PSD3: variants seen among roughly 807,000 people sequenced by gnomAD.
PSD3 encodes the protein pleckstrin and Sec7 domain containing 3.
Under a neutral mutation model 105.5 loss-of-function variants are expected in PSD3, and 49 were observed. That is an observed-to-expected ratio of 0.46 (90% CI 0.37 to 0.59). The LOEUF is 0.59. Among genes scored for constraint, PSD3 ranks in the 20% least tolerant of loss-of-function variants. The pLI, the probability that PSD3 is intolerant of heterozygous loss-of-function variation, is 0.00. For synonymous variants in PSD3, 557 were observed against 457.8 expected, an observed-to-expected ratio of 1.22 and a Z score of -2.77; for missense variants, 1,561 against 1,263.8, an observed-to-expected ratio of 1.24 and a Z score of -3.57.
chr8:18,974,555 C>T (rs1158388870), intron 1 of PSD3, among the ~76,000 whole-genome samples: 4 of 152,144 alleles, frequency 2.6e-5, no homozygotes, highest in South Asian at 2.1e-4. Context: ...AGCCCCACTA[C>T]GCGCTAGTCC....
chr8:18,799,177 G>A (rs1586038665), intron 8 of PSD3, 118 bp downstream of exon 8: 1 of 865,862 alleles, frequency 1.2e-6, no homozygotes, highest in East Asian at 2.5e-5. Context: ...TTATTCACCT[G>A]CCATGGGAAC....
chr8:19,018,889 C>T (rs1021357565), intron 1 of PSD3, among the ~76,000 whole-genome samples: 28 of 152,116 alleles, frequency 1.8e-4, no homozygotes, highest in Admixed American at 5.2e-4. Flanking sequence ...CTCCGCCTCC[C>T]GTGTTCAAGC....
intron 15 of PSD3, among the ~76,000 whole-genome samples, chr8:18,542,705 T>G (rs966900269): frequency 6.6e-6 from 1 of 152,190 alleles, no homozygotes; most frequent in Non-Finnish European, 1.5e-5. Context: ...TAGCCTGTTG[T>G]TGACAATGCC....
At chr8:19,067,507 ACT>A (rs1007374265) in intron 1 of PSD3, among the ~76,000 whole-genome samples, 4 of 152,248 alleles carry the variant, frequency 2.6e-5, no homozygotes, top group Admixed American at 2.6e-4. Context: ...CGGGATCATA[ACT>A]CTCTGAGTAT....
chr8:18,541,589 T>G (rs1227207324), intron 15 of PSD3, among the ~76,000 whole-genome samples: 1 of 152,172 alleles, frequency 6.6e-6, no homozygotes, highest in Non-Finnish European at 1.5e-5. Flanking sequence ...GCATATTCTC[T>G]TGACCTCTGT....
chr8:18,912,057 G>GA (rs1031156019), intron 2 of PSD3, among the ~76,000 whole-genome samples: 1 of 151,980 alleles, frequency 6.6e-6, no homozygotes, highest in Non-Finnish European at 1.5e-5. Context: ...TATACATGAG[G>GA]AAAAAAATCA....
At chr8:18,790,519 G>A (rs537861617) in intron 8 of PSD3, among the ~76,000 whole-genome samples, 2 of 151,970 alleles carry the variant, frequency 1.3e-5, no homozygotes, top group African/African-American at 2.4e-5. Flanking sequence ...AGCCAGGATG[G>A]TCTCTATCTC....
intron 9 of PSD3, among the ~76,000 whole-genome samples, chr8:18,705,267 C>T (rs1001886039): frequency 1.3e-5 from 2 of 152,098 alleles, no homozygotes; most frequent in Non-Finnish European, 2.9e-5. Context: ...ATGGCTCATG[C>T]CTGTAATCCC....
intron 14 of PSD3, among the ~76,000 whole-genome samples, chr8:18,571,110 C>T (rs1235352665): frequency 6.6e-6 from 1 of 152,026 alleles, no homozygotes; most frequent in Non-Finnish European, 1.5e-5. Flanking sequence ...ATCTGCCCAC[C>T]TCGGCTTCCA....
At chr8:18,811,152 C>G (rs996201607) in intron 4 of PSD3, among the ~76,000 whole-genome samples, 18 of 152,178 alleles carry the variant, frequency 1.2e-4, no homozygotes, top group Non-Finnish European at 1.0e-4. Flanking sequence ...TACTATGTGC[C>G]AGCCTCTGGG....
chr8:18,564,117 T>A (rs1261603188), intron 14 of PSD3, among the ~76,000 whole-genome samples: 1 of 152,254 alleles, frequency 6.6e-6, no homozygotes, highest in South Asian at 2.1e-4. Flanking sequence ...TCTTCTTTTT[T>A]TTTTTTAATC....
intron 1 of PSD3, among the ~76,000 whole-genome samples, chr8:19,057,949 G>A (rs968720361): frequency 9.9e-5 from 15 of 152,058 alleles, no homozygotes; most frequent in South Asian, 4.1e-4. Context: ...TTTCCCTAGA[G>A]AACTGAGAAC....
chr8:18,774,790 A>G, intron 8 of PSD3: 1 of 427,148 alleles, frequency 2.3e-6, no homozygotes. Flanking sequence ...ATCTAAGAGA[A>G]CTGGAATGTC....
intron 1 of PSD3, among the ~76,000 whole-genome samples, chr8:19,065,507 G>T (rs1472930381): frequency 6.6e-6 from 1 of 152,212 alleles, no homozygotes; most frequent in Non-Finnish European, 1.5e-5. Flanking sequence ...TGACAGATCA[G>T]CTTGAAGTTA....
intron 9 of PSD3, among the ~76,000 whole-genome samples, chr8:18,711,527 A>G (rs529830328): frequency 2.0e-3 from 302 of 152,328 alleles, no homozygotes; most frequent in African/African-American, 6.8e-3. Context: ...AAAAAAATAC[A>G]AAGAAGTGCC....
intron 1 of PSD3, among the ~76,000 whole-genome samples, chr8:19,068,816 T>C (rs1477267726): frequency 1.3e-5 from 2 of 151,836 alleles, no homozygotes; most frequent in African/African-American, 2.4e-5. Flanking sequence ...GGTGCTGCGA[T>C]GTACAGGCCA....
At chr8:19,002,078 C>T (rs1826428191) in intron 1 of PSD3, 1 of 153,356 alleles carries the variant, frequency 6.5e-6, no homozygotes. Flanking sequence ...CATCCTCTCT[C>T]ACTAACTGAT....
intron 1 of PSD3, among the ~76,000 whole-genome samples, chr8:19,031,791 A>G (rs990723853): frequency 6.6e-6 from 1 of 152,200 alleles, no homozygotes; most frequent in African/African-American, 2.4e-5. Context: ...CCCACGAGCA[A>G]AACACTTAGT....
intron 4 of PSD3, among the ~76,000 whole-genome samples, chr8:18,819,455 C>T (rs1286451360): frequency 6.6e-6 from 1 of 152,192 alleles, no homozygotes; most frequent in Admixed American, 6.5e-5. Context: ...TCCCCTGAAC[C>T]TCTCCAGAGG....
Sources: allele counts gnomAD v4.1 joint callset (sites outside exome capture counted in the v4.1 genomes callset), GRCh38; gene constraint gnomAD v4.1.1; transcripts MANE v1.5; gene names NCBI Gene and HGNC (gene_info 2026-07-23, HGNC 2026-07-21).